Variants in RTN4 observed in about 807,000 individuals in gnomAD.
RTN4 encodes the protein reticulon 4.
In RTN4, 32 loss-of-function variants were observed where a neutral mutation model predicts 90.4. That is an observed-to-expected ratio of 0.35 (90% CI 0.27 to 0.48). The LOEUF is 0.48. Ranked by LOEUF, RTN4 falls within the 20% of genes least tolerant of loss-of-function variation. The pLI, the probability that RTN4 is intolerant of heterozygous loss-of-function variation, is 0.99. For synonymous variants in RTN4, 629 were observed against 552.5 expected (o/e 1.14, Z -1.94); for missense variants, 1,706 against 1,430.2 (o/e 1.19, Z -3.11).
At chr2:55,027,550 A>G (rs1163371799) in intron 2 of RTN4, 65 bp from the exon 3 acceptor site, 4 of 1,493,978 alleles carry the variant, frequency 2.7e-6, no homozygotes, top group Non-Finnish European at 3.6e-6. Flanking sequence ...TGCAAGTTTT[A>G]TGACAGATCC....
chr2:55,009,857 C>A (rs746587939), intron 3 of RTN4, among the ~76,000 whole-genome samples: 2 of 151,604 alleles, frequency 1.3e-5, no homozygotes, highest in African/African-American at 2.4e-5. Flanking sequence ...AGAACCTAAA[C>A]GGCAGGACTG....
intron 1 of RTN4, among the ~76,000 whole-genome samples, chr2:55,088,255 A>G (rs1238722410): frequency 6.6e-6 from 1 of 152,248 alleles, no homozygotes; most frequent in Non-Finnish European, 1.5e-5. Context: ...GTATTCATGG[A>G]CGTAGGGAAG....
intron 1 of RTN4, among the ~76,000 whole-genome samples, chr2:55,028,450 C>T (rs908067654): frequency 3.3e-5 from 5 of 152,146 alleles, no homozygotes; most frequent in African/African-American, 1.2e-4. Flanking sequence ...TATCATTTTT[C>T]AAGAGGCAAT....
chr2:55,018,052 C>T (rs567626795), intron 3 of RTN4, among the ~76,000 whole-genome samples: 3 of 152,226 alleles, frequency 2.0e-5, no homozygotes, highest in Middle Eastern at 3.4e-3. Flanking sequence ...GTCTGAAACA[C>T]GGCAGAAGCT....
chr2:55,050,620 A>G, upstream of RTN4: 1 of 232,216 alleles, frequency 4.3e-6, no homozygotes. This position sits in a 1 kb window ranked among gnomAD's most constrained non-coding sequence, Gnocchi z 4.6. Context: ...GAGAGAGCCA[A>G]TCGGCTACAG....
At chr2:55,103,790 G>T (rs549868120) in intron 1 of RTN4, among the ~76,000 whole-genome samples, 1 of 152,054 alleles carries the variant, frequency 6.6e-6, no homozygotes, top group South Asian at 2.1e-4. Context: ...CACCTCCCGG[G>T]TTCAAACGAT....
At chr2:54,994,257 TCAGA>T (rs1269549083) in intron 3 of RTN4, among the ~76,000 whole-genome samples, 1 of 152,128 alleles carries the variant, frequency 6.6e-6, no homozygotes, top group East Asian at 1.9e-4. Flanking sequence ...GATACCAAAA[TCAGA>T]CAAAGACATC....
At chr2:55,021,085 T>C (rs904813155) in intron 3 of RTN4, among the ~76,000 whole-genome samples, 4 of 152,194 alleles carry the variant, frequency 2.6e-5, no homozygotes, top group African/African-American at 7.2e-5. Flanking sequence ...TAAATGCATA[T>C]ACATTAATAA....
chr2:55,045,985 T>C (rs1241593074), intron 1 of RTN4, among the ~76,000 whole-genome samples: 1 of 152,222 alleles, frequency 6.6e-6, no homozygotes, highest in Non-Finnish European at 1.5e-5. Flanking sequence ...TGAGAGGTTT[T>C]AGTCTCACTT....
chr2:55,047,672 G>T (rs542051401), intron 1 of RTN4, among the ~76,000 whole-genome samples: 5 of 152,130 alleles, frequency 3.3e-5, no homozygotes, highest in Non-Finnish European at 5.9e-5. Flanking sequence ...TACACTACTT[G>T]ATTCTTGACC....
chr2:54,974,812 T>C (rs188401405), intron 5 of RTN4, 48 bp from the exon 6 acceptor site: 626 of 1,522,162 alleles, frequency 4.1e-4, no homozygotes, highest in Non-Finnish European at 4.7e-4. Context: ...TCAAGTAAAG[T>C]TTCTTAATTA....
intron 3 of RTN4, among the ~76,000 whole-genome samples, chr2:54,995,552 A>T (rs554412875): frequency 6.6e-6 from 1 of 152,220 alleles, no homozygotes; most frequent in East Asian, 1.9e-4. Flanking sequence ...ATGGGTTTTT[A>T]TTTTATAATA....
chr2:55,115,642 T>A (rs1199027972), upstream of RTN4, among the ~76,000 whole-genome samples: 2 of 152,232 alleles, frequency 1.3e-5, no homozygotes, highest in African/African-American at 4.8e-5. Context: ...AAGAAAGCAG[T>A]CTGCTCCCAA....
intron 2 of RTN4, 98 bp downstream of exon 2, chr2:55,028,066 A>G: frequency 1.0e-6 from 1 of 986,652 alleles, no homozygotes; most frequent in Admixed American, 3.3e-5. Flanking sequence ...GAACCATGCT[A>G]ATTTTTAGTA....
chr2:55,044,785 TAAAA>T (rs10639848), intron 1 of RTN4, among the ~76,000 whole-genome samples: 1 of 65,646 alleles, frequency 1.5e-5, no homozygotes, highest in Non-Finnish European at 2.6e-5. Flanking sequence ...TGCAAATCAC[TAAAA>T]AAAAAAAAAA....
chr2:54,984,241 G>A (rs571942263), intron 4 of RTN4, among the ~76,000 whole-genome samples: 240 of 152,118 alleles, frequency 1.6e-3, no homozygotes, highest in Non-Finnish European at 2.8e-3. Context: ...TAGTCTTATA[G>A]TATTTACTAG....
chr2:55,031,826 A>G (rs1431032540), intron 1 of RTN4, among the ~76,000 whole-genome samples: 1 of 152,180 alleles, frequency 6.6e-6, no homozygotes, highest in African/African-American at 2.4e-5. Context: ...CCACAAGCCT[A>G]AACTATTTAC....
the RTN4 span, among the ~76,000 whole-genome samples, chr2:55,125,023 G>A: frequency 1.3e-5 from 2 of 152,172 alleles, no homozygotes; most frequent in South Asian, 2.1e-4. Context: ...GCGGAAGATT[G>A]AAAATGGACC....
intron 2 of RTN4, among the ~76,000 whole-genome samples, chr2:55,066,523 T>C (rs2972074): frequency 0.69 from 104,296 of 151,592 alleles, 38,294 homozygotes; most frequent in East Asian, 0.91. Flanking sequence ...GGTGAAACCC[T>C]GTCTCTACTA....
Sources: allele counts gnomAD v4.1 joint callset (sites outside exome capture counted in the v4.1 genomes callset), GRCh38; gene constraint gnomAD v4.1.1; non-coding constraint Gnocchi (gnomAD v3.1); transcripts MANE v1.5; gene names NCBI Gene and HGNC (gene_info 2026-07-23, HGNC 2026-07-21).